LYG1: variants seen among roughly 807,000 people sequenced by gnomAD.
The protein encoded by LYG1 is lysozyme g-like protein 1.
Under a neutral mutation model 21.7 loss-of-function variants are expected in LYG1, and 17 were observed. The observed-to-expected ratio is 0.78, with a 90% CI of 0.54 to 1.18. The LOEUF (loss-of-function observed/expected upper bound fraction) is 1.18. Ranked by LOEUF, LYG1 falls within the 50% of genes most tolerant of loss-of-function variation. The pLI is 0.00. For missense variants in LYG1, 211 were observed against 238.1 expected (o/e 0.89, Z 0.75); for synonymous variants, 81 against 87.4 (o/e 0.93, Z 0.41).
upstream of LYG1, among the ~76,000 whole-genome samples, chr2:99,302,094 C>G (rs74177687): frequency 0.37 from 56,061 of 151,658 alleles, 11,051 homozygotes; most frequent in East Asian, 0.63. Context: ...CCTACAGGAT[C>G]TTTCCTTTTT....
intron 4 of LYG1, among the ~76,000 whole-genome samples, chr2:99,292,197 A>C (rs535832994): frequency 1.3e-5 from 2 of 152,282 alleles, no homozygotes; most frequent in African/African-American, 4.8e-5. Context: ...AGGCAGGAGA[A>C]TCGCTTAAAC....
intron 5 of LYG1, among the ~76,000 whole-genome samples, chr2:99,290,427 G>A (rs1195954488): frequency 1.3e-5 from 2 of 152,104 alleles, no homozygotes; most frequent in African/African-American, 4.8e-5. Context: ...TCTCCAAATC[G>A]AAGTAAAATA....
chr2:99,289,082 T>C (rs181315839), intron 5 of LYG1, among the ~76,000 whole-genome samples: 44 of 152,250 alleles, frequency 2.9e-4, no homozygotes, highest in African/African-American at 1.0e-3. Context: ...TCAGACCTAC[T>C]GAATCAGAAT....
At chr2:99,291,564 T>C in intron 4 of LYG1, 143 bp from the exon 5 acceptor site, 2 of 868,478 alleles carry the variant, frequency 2.3e-6, no homozygotes, top group Non-Finnish European at 3.5e-6. Flanking sequence ...AAATCTTTAG[T>C]AGTGGCCACT....
chr2:99,284,369 T>C lies in LYG1; in HGVS notation c.*24A>G, dbSNP rs1185860066. 3.1e-6 allele frequency: 5 copies of C among 1,604,662 alleles called. No individual in the cohort carries two copies. Among genetic ancestry groups the C allele is most frequent in the South Asian group, 1.1e-5 (1 of 90,760 alleles). ...ACATTTGAGGCTGCATATGTGATCA[T>C]GGTCTTGGGTTTCATCTGAGATGTT... On this transcript the variant is annotated 3_prime_UTR_variant, in exon 7 of 7. Coordinates refer to ENST00000308528, the MANE Select transcript of LYG1 (RefSeq NM_174898.3).
chr2:99,286,249 C>T (rs191659644), intron 5 of LYG1, among the ~76,000 whole-genome samples: 14 of 152,282 alleles, frequency 9.2e-5, no homozygotes, highest in Non-Finnish European at 1.6e-4. Flanking sequence ...ATAAATTACC[C>T]ATATTTAGGT....
At position 99,284,724 on chromosome 2, in the gene LYG1, T is replaced by A. The variant is rs376592243; in HGVS notation, c.430A>T (p.Arg144Trp). 76 of 1,614,086 alleles carry A rather than the reference T, an allele frequency of 4.7e-5. No individual in the cohort carries two copies. The highest frequency in any genetic ancestry group is 6.4e-5 in the Non-Finnish European group (75 of 1,180,034). The change falls in exon 6 of 7, where the codon AGG becomes TGG. Residue 144 changes from arginine to tryptophan, a missense_variant. Physicochemically the swap from Arg to Trp is moderately radical, Grantham distance 101. Coordinates refer to ENST00000308528, the MANE Select transcript of LYG1 (RefSeq NM_174898.3). Reference sequence around the variant, plus strand: ...TGGTCAGGGGTCCAGGTTGGAAACCTCCTCTGGATTTCTTTGATTCTAGTA... The same window carrying A: ...TGGTCAGGGGTCCAGGTTGGAAACCACCTCTGGATTTCTTTGATTCTAGTA... Reference protein sequence around the residue: ...LTTRIKEIQRRFPTWTPDQYL... With the variant: ...LTTRIKEIQRWFPTWTPDQYL...
chr2:99,287,914 C>T (rs2094105969), intron 5 of LYG1, among the ~76,000 whole-genome samples: 1 of 152,010 alleles, frequency 6.6e-6, no homozygotes, highest in Admixed American at 6.6e-5. Context: ...TAAATAATTA[C>T]ATCCCCCTCA....
chr2:99,302,165 A>G (rs916122182), upstream of LYG1, among the ~76,000 whole-genome samples: 2 of 151,870 alleles, frequency 1.3e-5, no homozygotes, highest in Non-Finnish European at 2.9e-5. Context: ...AGCATGCAAC[A>G]CTCTGCATGA....
At chr2:99,304,599 T>C (rs1559227459), upstream of LYG1, 2 of 152,220 alleles carry the variant, frequency 1.3e-5, no homozygotes, top group Non-Finnish European at 2.9e-5. Context: ...CCTGGGAGGA[T>C]GGTACTAAGT....
At position 99,289,448 on chromosome 2, in the gene LYG1, C is replaced by A. The variant is rs1330775335; in HGVS notation, c.333+1789G>T. ...TCCAGCCTGGGTGACAGAGCCAGAC[C>A]CTGTCTTAAAAAAAAAAAAAATCTG... On this transcript the variant is annotated intron_variant, in intron 5 of 6. Coordinates refer to ENST00000308528, the MANE Select transcript of LYG1 (RefSeq NM_174898.3). 3.4e-4 allele frequency among the ~76,000 whole-genome samples: 28 copies of A among 81,382 alleles called. No homozygotes were observed. The Admixed American group carries it at 5.3e-3, about 15-fold the overall frequency. The allele number at this position is 81,382 out of a possible 152,430, so 53.4% of individuals were successfully genotyped here. A position where few individuals can be genotyped will look rare whatever the true frequency, so the allele number is the denominator to read the frequency against.
rs985792328 is a variant in LYG1, at chr2:99,284,262, T to C, written c.*131A>G. ...ATGCAGGTCAAAATTCTTCCTTTAA[T>C]GTGATTCATGTTATTTTAATGACTT... is the stretch of plus-strand genomic sequence containing the variant. On this transcript the variant is annotated 3_prime_UTR_variant, in exon 7 of 7. Transcript: ENST00000308528. 1.3e-6 allele frequency: 1 copy of C among 753,032 alleles called. No individual in the cohort carries two copies. The allele number at this position is 753,032 out of a possible 1,614,324, so 46.6% of individuals were successfully genotyped here. A position where few individuals can be genotyped will look rare whatever the true frequency, so the allele number is the denominator to read the frequency against.
chr2:99,284,828 G>C lies in LYG1; in HGVS notation c.334-8C>G. 7 of 1,612,100 alleles carry C rather than the reference G, an allele frequency of 4.3e-6. No homozygotes were observed. Among genetic ancestry groups the C allele is most frequent in the Non-Finnish European group, 5.9e-6 (7 of 1,179,608 alleles). On this transcript the variant is annotated splice_region_variant and splice_polypyrimidine_tract_variant and intron_variant, in intron 5 of 6. Coordinates refer to ENST00000308528, the MANE Select transcript of LYG1 (RefSeq NM_174898.3). ...AGCTTGAGAGCCAGGGTCCTGCAGG[G>C]AAGGAGGCAGAGAAGAAGCCACGTA...
At chr2:99,303,076 AAGGC>A (rs2094159202), upstream of LYG1, among the ~76,000 whole-genome samples, 1 of 151,874 alleles carries the variant, frequency 6.6e-6, no homozygotes, top group African/African-American at 2.4e-5. Context: ...GTGAGACCAC[AAGGC>A]AGGGCACTGT....
chr2:99,303,251 C>CATCCAT (rs2094159484), upstream of LYG1, among the ~76,000 whole-genome samples: 3 of 152,092 alleles, frequency 2.0e-5, no homozygotes, highest in South Asian at 6.3e-4. Context: ...AAATGGAACT[C>CATCCAT]ATCCATTTTA....
upstream of LYG1, among the ~76,000 whole-genome samples, chr2:99,302,975 C>G (rs1157234950): frequency 2.0e-5 from 3 of 150,956 alleles, no homozygotes; most frequent in African/African-American, 7.3e-5. Context: ...CAAGATCATG[C>G]CAGTGTACTC....
intron 2 of LYG1, among the ~76,000 whole-genome samples, chr2:99,297,107 C>T (rs898821898): frequency 1.3e-5 from 2 of 152,210 alleles, no homozygotes; most frequent in African/African-American, 4.8e-5. Flanking sequence ...TTGTTATTCT[C>T]TCTACAACAT....
intron 5 of LYG1, among the ~76,000 whole-genome samples, chr2:99,287,917 C>T (rs1326483405): frequency 6.6e-6 from 1 of 151,930 alleles, no homozygotes; most frequent in South Asian, 2.1e-4. Flanking sequence ...ATAATTACAT[C>T]CCCCTCATTT....
chr2:99,302,153 C>T (rs561451891), upstream of LYG1, among the ~76,000 whole-genome samples: 25 of 152,078 alleles, frequency 1.6e-4, no homozygotes, highest in Middle Eastern at 6.8e-3. Flanking sequence ...CTTTATAATA[C>T]CAGCATGCAA....
Sources: allele counts gnomAD v4.1 joint callset (sites outside exome capture counted in the v4.1 genomes callset), GRCh38; gene constraint gnomAD v4.1.1; transcripts MANE v1.5; gene names NCBI Gene and HGNC (gene_info 2026-07-23, HGNC 2026-07-21).